The following ANGPT1 variants were observed in gnomAD, a reference collection of about 807,000 sequenced individuals.
ANGPT1 encodes the protein angiopoietin 1, also known as angiopoietin-1.
In ANGPT1, 17 loss-of-function variants were observed where a neutral mutation model predicts 62.2. The ratio of observed to expected loss-of-function variants is 0.27; its 90% CI spans 0.19 to 0.41. The LOEUF is 0.41. Ranked by LOEUF, ANGPT1 falls within the 10% of genes least tolerant of loss-of-function variation. ANGPT1 has a pLI of 1.00. For synonymous variants in ANGPT1, 199 were observed against 198.9 expected, an observed-to-expected ratio of 1.00 and a Z score of 0.00; for missense variants, 478 against 594.9, an observed-to-expected ratio of 0.80 and a Z score of 2.04.
At chr8:107,412,088 C>T (rs1810597256) in intron 1 of ANGPT1, among the ~76,000 whole-genome samples, 1 of 152,002 alleles carries the variant, frequency 6.6e-6, no homozygotes, top group Non-Finnish European at 1.5e-5. Context: ...AAGTAGCATC[C>T]CCCAAATGTG....
In ANGPT1 at chr8:107,358,017, G is replaced by A. The variant is rs548340781; in HGVS notation, c.298-10920C>T. On this transcript the variant is annotated intron_variant, in intron 1 of 8. Coordinates refer to ENST00000517746, the MANE Select transcript of ANGPT1 (RefSeq NM_001146.5). ...TTGTCTTTCTCTTCTGAAATATCTT[G>A]TTTATGGGTTTTTAAAATTAATTTT... Among the ~76,000 whole-genome samples the A allele has an allele frequency of 4.6e-5, 7 of 152,108 alleles. No homozygotes were observed. In the South Asian group the frequency reaches 1.5e-3, roughly 32 times the overall value.
chr8:107,373,662 C>T (rs1309825708), intron 1 of ANGPT1, among the ~76,000 whole-genome samples: 3 of 152,110 alleles, frequency 2.0e-5, no homozygotes, highest in African/African-American at 7.2e-5. Context: ...TTTCTAGGGG[C>T]TCTCTTGAAT....
At chr8:107,268,811 G>C (rs1379112016) in intron 7 of ANGPT1, among the ~76,000 whole-genome samples, 1 of 149,994 alleles carries the variant, frequency 6.7e-6, no homozygotes, top group African/African-American at 2.4e-5. Context: ...CTCAAGATGT[G>C]CAATGTAAAC....
chr8:107,414,124 G>T (rs1337204015), intron 1 of ANGPT1, among the ~76,000 whole-genome samples: 3 of 152,058 alleles, frequency 2.0e-5, no homozygotes, highest in Admixed American at 6.6e-5. Context: ...TAATCGTTCT[G>T]CTAGGAACCC....
At chr8:107,331,131 A>T (rs1815410104) in intron 3 of ANGPT1, among the ~76,000 whole-genome samples, 1 of 152,176 alleles carries the variant, frequency 6.6e-6, no homozygotes, top group Non-Finnish European at 1.5e-5. Context: ...AATTTAAAAG[A>T]CTATGATTTC....
chr8:107,393,541 G>A (rs766890191), intron 1 of ANGPT1, among the ~76,000 whole-genome samples: 7 of 152,100 alleles, frequency 4.6e-5, no homozygotes, highest in East Asian at 3.9e-4. Context: ...TGGGTGCAGC[G>A]GCTCACGCCT....
intron 1 of ANGPT1, among the ~76,000 whole-genome samples, chr8:107,456,299 A>G (rs2130465731): frequency 6.6e-6 from 1 of 152,206 alleles, no homozygotes; most frequent in South Asian, 2.1e-4. Flanking sequence ...CTGTAGCAAC[A>G]ACATTCCACA....
At chr8:107,312,146 A>T (rs1486368088) in intron 4 of ANGPT1, among the ~76,000 whole-genome samples, 1 of 152,094 alleles carries the variant, frequency 6.6e-6, no homozygotes, top group African/African-American at 2.4e-5. Context: ...TGTTTAATCA[A>T]GTAATCTTTC....
intron 1 of ANGPT1, among the ~76,000 whole-genome samples, chr8:107,402,143 C>T (rs1382067394): frequency 6.6e-6 from 1 of 152,154 alleles, no homozygotes; most frequent in Non-Finnish European, 1.5e-5. Context: ...TTCTGAAGAT[C>T]CAATGCTTGC....
At chr8:107,344,193 G>A (rs1815755653) in intron 2 of ANGPT1, among the ~76,000 whole-genome samples, 1 of 152,132 alleles carries the variant, frequency 6.6e-6, no homozygotes, top group African/African-American at 2.4e-5. Flanking sequence ...GATTATTAGA[G>A]GCAAATTTTA....
chr8:107,451,612 C>T (rs11991529), intron 1 of ANGPT1, among the ~76,000 whole-genome samples: 13,756 of 151,850 alleles, frequency 0.091, 1,041 homozygotes, highest in East Asian at 0.44. Context: ...AAACATGGAA[C>T]TTGTTATTTT....
At chr8:107,480,833 A>G (rs1390613900) in intron 1 of ANGPT1, among the ~76,000 whole-genome samples, 2 of 152,208 alleles carry the variant, frequency 1.3e-5, no homozygotes, top group Non-Finnish European at 2.9e-5. Flanking sequence ...AACAGGAGAT[A>G]GAACATGGCT....
intron 1 of ANGPT1, among the ~76,000 whole-genome samples, chr8:107,428,396 A>G (rs914287844): frequency 2.0e-5 from 3 of 152,166 alleles, no homozygotes; most frequent in Admixed American, 6.5e-5. Flanking sequence ...GAGACTTTTT[A>G]ATGCAACAAT....
At chr8:107,471,335 G>A (rs1018940949) in intron 1 of ANGPT1, among the ~76,000 whole-genome samples, 22 of 151,974 alleles carry the variant, frequency 1.4e-4, no homozygotes, top group African/African-American at 5.1e-4. Flanking sequence ...GTTCTCACTC[G>A]TAAGTTGGAG....
chr8:107,314,202 G>C (rs1281109375), intron 4 of ANGPT1, among the ~76,000 whole-genome samples: 2 of 152,202 alleles, frequency 1.3e-5, no homozygotes, highest in African/African-American at 4.8e-5. Flanking sequence ...GAAGGATGGA[G>C]TTTGCTCATG....
intron 1 of ANGPT1, among the ~76,000 whole-genome samples, chr8:107,414,070 C>T (rs1412930934): frequency 6.6e-6 from 1 of 152,076 alleles, no homozygotes; most frequent in Non-Finnish European, 1.5e-5. Flanking sequence ...TTGCAGAGGG[C>T]CCTTGATCCA....
chr8:107,338,325 C>T (rs1283935681), intron 2 of ANGPT1, among the ~76,000 whole-genome samples: 1 of 152,084 alleles, frequency 6.6e-6, no homozygotes, highest in East Asian at 1.9e-4. Flanking sequence ...ACAATTAATT[C>T]AAGAAATCCA....
intron 1 of ANGPT1, among the ~76,000 whole-genome samples, chr8:107,426,012 G>A (rs755265266): frequency 2.0e-5 from 3 of 152,098 alleles, no homozygotes; most frequent in Non-Finnish European, 4.4e-5. Context: ...GCACCACCAG[G>A]TATAAAAGTG....
chr8:107,317,628 A>ATTTTTTTTT (rs60047500), intron 4 of ANGPT1, among the ~76,000 whole-genome samples: 1 of 84,926 alleles, frequency 1.2e-5, no homozygotes, highest in African/African-American at 4.9e-5. Flanking sequence ...ATTTATTTTT[A>ATTTTTTTTT]TTTTTATTTT....
Sources: allele counts gnomAD v4.1 joint callset (sites outside exome capture counted in the v4.1 genomes callset), GRCh38; gene constraint gnomAD v4.1.1; transcripts MANE v1.5; gene names NCBI Gene and HGNC (gene_info 2026-07-23, HGNC 2026-07-21).